NXN: variants seen among roughly 807,000 people sequenced by gnomAD.
NXN encodes the protein nucleoredoxin.
In NXN, 16 loss-of-function variants were observed where a neutral mutation model predicts 48.6. That is an observed-to-expected ratio of 0.33 (90% CI 0.22 to 0.50). NXN has a LOEUF of 0.50. Ranked by LOEUF, NXN falls within the 20% of genes least tolerant of loss-of-function variation. The probability of loss-of-function intolerance (pLI) is 0.98; values close to 1 mark genes in which losing one functional copy is unlikely to be tolerated. For missense variants in NXN, 492 were observed against 605.5 expected (o/e 0.81, Z 1.97); for synonymous variants, 281 against 269.6 (o/e 1.04, Z -0.41).
At chr17:918,244 C>T (rs1341852248) in intron 1 of NXN, among the ~76,000 whole-genome samples, 1 of 152,150 alleles carries the variant, frequency 6.6e-6, no homozygotes, top group Non-Finnish European at 1.5e-5. Flanking sequence ...CCAGAAACAG[C>T]CCCAGAACCC....
At chr17:860,938 AG>A (rs2068033981) in intron 1 of NXN, among the ~76,000 whole-genome samples, 2 of 152,336 alleles carry the variant, frequency 1.3e-5, no homozygotes, top group South Asian at 4.1e-4. Flanking sequence ...AGAACTGAAA[AG>A]AAAGTTTGAA....
intron 1 of NXN, among the ~76,000 whole-genome samples, chr17:922,184 G>A (rs1394450800): frequency 1.3e-5 from 2 of 152,202 alleles, no homozygotes; most frequent in Non-Finnish European, 2.9e-5. Flanking sequence ...GCTCACGTCT[G>A]TAATCCTAAC....
chr17:880,521 C>T (rs1038872972), intron 1 of NXN, among the ~76,000 whole-genome samples: 1 of 152,142 alleles, frequency 6.6e-6, no homozygotes, highest in Non-Finnish European at 1.5e-5. Context: ...CGGTCATTCA[C>T]ATGTGGTCAA....
Position 849,258 on chromosome 17 carries a change from CG to C in NXN, c.361-23181del, listed in dbSNP as rs1250105854. 1.3e-5 allele frequency among the ~76,000 whole-genome samples: 2 copies of C among 152,116 alleles called. No individual in the cohort carries two copies. The highest frequency in any genetic ancestry group is 2.9e-5 in the Non-Finnish European group (2 of 68,020). Reference sequence around the variant, plus strand: ...CTAAGACCAGAGCTTCCCAGCTGGGCGCAGTGGCTCACGCCTGTAATCCCAG... The same window carrying C: ...CTAAGACCAGAGCTTCCCAGCTGGGCCAGTGGCTCACGCCTGTAATCCCAG... On this transcript the variant is annotated intron_variant, in intron 1 of 7. Coordinates refer to ENST00000336868, the MANE Select transcript of NXN (RefSeq NM_022463.5). This position sits in a 1 kb window ranked among gnomAD's most constrained non-coding sequence, Gnocchi z 4.2.
intron 1 of NXN, among the ~76,000 whole-genome samples, chr17:862,033 G>A (rs117855697): frequency 0.03 from 4,613 of 152,138 alleles, 83 homozygotes; most frequent in Non-Finnish European, 0.041. Context: ...GTTTCACCAC[G>A]TTTCCCAGGC....
intron 1 of NXN, among the ~76,000 whole-genome samples, chr17:826,546 G>GT (rs1204996673): frequency 6.6e-6 from 1 of 152,198 alleles, no homozygotes; most frequent in Non-Finnish European, 1.5e-5. Context: ...GGAAGGGAAG[G>GT]TTTTCACGAG....
intron 1 of NXN, among the ~76,000 whole-genome samples, chr17:885,889 C>T (rs893297636): frequency 6.6e-5 from 10 of 151,602 alleles, no homozygotes; most frequent in Admixed American, 2.6e-4. Context: ...GGGGTTTCAC[C>T]GTGTCAGCCA....
intron 1 of NXN, among the ~76,000 whole-genome samples, chr17:968,717 C>T (rs1255240599): frequency 6.6e-5 from 10 of 152,134 alleles, no homozygotes; most frequent in African/African-American, 2.2e-4. Context: ...GCAGGCGGAT[C>T]GCTTGAGGTC....
intron 1 of NXN, among the ~76,000 whole-genome samples, chr17:938,003 T>G (rs2068928304): frequency 6.6e-6 from 1 of 152,222 alleles, no homozygotes; most frequent in African/African-American, 2.4e-5. Context: ...AGAAGGCTTC[T>G]GCTTTTGGTA....
chr17:853,711 A>G (rs991936322), intron 1 of NXN, among the ~76,000 whole-genome samples: 2 of 91,902 alleles, frequency 2.2e-5, no homozygotes, highest in Non-Finnish European at 4.3e-5. Flanking sequence ...ACATATATAT[A>G]TATATATATA....
chr17:801,351 C>T (rs536451545), intron 7 of NXN, among the ~76,000 whole-genome samples: 2 of 152,210 alleles, frequency 1.3e-5, no homozygotes, highest in South Asian at 4.1e-4. Flanking sequence ...CCCTGCAAAC[C>T]ACTAGGTAAG....
intron 1 of NXN, among the ~76,000 whole-genome samples, chr17:826,694 CCTTCACCAGGTCCCTGCA>C (rs1913121127): frequency 6.6e-6 from 1 of 151,932 alleles, no homozygotes; most frequent in East Asian, 1.9e-4. Flanking sequence ...GTCCCTCAGC[CCTTCACCAGGTCCCTGCA>C]CTTGAAATAT....
chr17:815,641 G>A (rs1003963911), intron 5 of NXN, among the ~76,000 whole-genome samples: 25 of 151,992 alleles, frequency 1.6e-4, no homozygotes, highest in Admixed American at 5.2e-4. Context: ...TTTTGAAGGC[G>A]ATGAGGCACC....
At chr17:869,358 T>C (rs1290747279) in intron 1 of NXN, among the ~76,000 whole-genome samples, 2 of 152,012 alleles carry the variant, frequency 1.3e-5, no homozygotes, top group African/African-American at 4.8e-5. Flanking sequence ...CAGCTCATGC[T>C]CTCTGATCCA....
rs1261711779 is a variant in NXN, at chr17:956,883, G to C, written c.360+22436C>G. 6.6e-6 allele frequency among the ~76,000 whole-genome samples: 1 copy of C among 152,174 alleles called. No individual in the cohort carries two copies. The highest frequency in any genetic ancestry group is 1.5e-5 in the Non-Finnish European group (1 of 68,040). On this transcript the variant is annotated intron_variant, in intron 1 of 7. Coordinates refer to ENST00000336868, the MANE Select transcript of NXN (RefSeq NM_022463.5). This position sits in a 1 kb window ranked among gnomAD's most constrained non-coding sequence, Gnocchi z 4.1. Reference sequence around the variant, plus strand: ...GATCAGAACCAGGTCATCCAGGAGAGAGGCTGGCCCCTCCGTTCTCAGAGC... The same window carrying C: ...GATCAGAACCAGGTCATCCAGGAGACAGGCTGGCCCCTCCGTTCTCAGAGC...
intron 1 of NXN, among the ~76,000 whole-genome samples, chr17:908,932 G>A (rs1194726494): frequency 1.3e-5 from 2 of 151,938 alleles, no homozygotes; most frequent in Non-Finnish European, 2.9e-5. Flanking sequence ...TGAAACCCCC[G>A]TCTCTACTAA....
intron 4 of NXN, among the ~76,000 whole-genome samples, 170 bp downstream of exon 4, chr17:822,187 G>A (rs1912853892): frequency 6.6e-6 from 1 of 151,986 alleles, no homozygotes; most frequent in African/African-American, 2.4e-5. Flanking sequence ...GCTAAGGCAG[G>A]AGAATCGCTT....
chr17:934,644 T>C lies in NXN; in HGVS notation c.360+44675A>G, dbSNP rs200105829. On this transcript the variant is annotated intron_variant, in intron 1 of 7. Coordinates refer to ENST00000336868, the MANE Select transcript of NXN (RefSeq NM_022463.5). ...ATCCCAGCACTTTGGGAGGCCAAGG[T>C]GGGTGGATCACCTGAGGTCAGGAGT... Among the ~76,000 whole-genome samples, 169 of 151,648 alleles carry C rather than the reference T, an allele frequency of 1.1e-3. 3 individuals are homozygous for C. In the East Asian group the frequency reaches 0.028, roughly 26 times the overall value.
chr17:957,222 A>AC (rs1280994983), intron 1 of NXN, among the ~76,000 whole-genome samples: 1 of 150,114 alleles, frequency 6.7e-6, no homozygotes, highest in Admixed American at 6.6e-5. Context: ...CCCTGTCACC[A>AC]CCCCCCTCCC....
Sources: allele counts gnomAD v4.1 joint callset (sites outside exome capture counted in the v4.1 genomes callset), GRCh38; gene constraint gnomAD v4.1.1; non-coding constraint Gnocchi (gnomAD v3.1); transcripts MANE v1.5; gene names NCBI Gene and HGNC (gene_info 2026-07-23, HGNC 2026-07-21).